Variants in ACVR1 observed in about 807,000 individuals in gnomAD.
ACVR1 encodes activin receptor type-1.
A neutral mutation model predicts 57.1 loss-of-function variants in ACVR1; 38 were observed. That is an observed-to-expected ratio of 0.67 (90% CI 0.51 to 0.87). The LOEUF (loss-of-function observed/expected upper bound fraction) is 0.87. Ranked by LOEUF, ACVR1 falls within the 40% of genes least tolerant of loss-of-function variation. The pLI, the probability that ACVR1 is intolerant of heterozygous loss-of-function variation, is 0.00. For synonymous variants in ACVR1, 212 were observed against 228.1 expected (o/e 0.93, Z 0.63); for missense variants, 463 against 638.2 (o/e 0.73, Z 2.96).
chr2:157,778,335 G>A lies in ACVR1; in HGVS notation c.339C>T (p.Ser113=). 6.2e-7 allele frequency: 1 copy of A among 1,613,418 alleles called. No individual in the cohort carries two copies. The highest frequency in any genetic ancestry group is 8.5e-7 in the Non-Finnish European group (1 of 1,179,612). The change falls in exon 5 of 11, where the codon TCC becomes TCT. Residue 113 remains serine (S), a synonymous_variant. Coordinates refer to ENST00000434821, the MANE Select transcript of ACVR1 (RefSeq NM_001111067.4). ...AGTGGAAATTCTGTGTTCCAGGGAA[G>A]GATTTTCCTGGAGTTGGAGGGAAAA... is the stretch of plus-strand genomic sequence containing the variant. ...ITAQLPTKGK[S]FPGTQNFHLE... is the part of the protein sequence containing the mutation.
chr2:157,801,064 A>G (rs1461484454), intron 2 of ACVR1, among the ~76,000 whole-genome samples: 2 of 152,180 alleles, frequency 1.3e-5, no homozygotes, highest in African/African-American at 4.8e-5. Flanking sequence ...CAAAACAGGT[A>G]TGCACATCCA....
At chr2:157,868,370 C>T (rs1449366803) in intron 1 of ACVR1, among the ~76,000 whole-genome samples, 6 of 151,776 alleles carry the variant, frequency 4.0e-5, no homozygotes, top group South Asian at 2.1e-4. Flanking sequence ...GCCTGTAATC[C>T]CAGCTACTCG....
chr2:157,867,776 G>A (rs1426054039), intron 1 of ACVR1, among the ~76,000 whole-genome samples: 1 of 151,894 alleles, frequency 6.6e-6, no homozygotes, highest in African/African-American at 2.4e-5. Flanking sequence ...CTCTGCTCTG[G>A]TGCACTGATG....
intron 5 of ACVR1, among the ~76,000 whole-genome samples, chr2:157,776,865 A>T (rs992820719): frequency 5.9e-5 from 9 of 152,246 alleles, no homozygotes; most frequent in Non-Finnish European, 1.2e-4. Flanking sequence ...CTGCAAAATG[A>T]TTTCAAATAC....
intron 8 of ACVR1, among the ~76,000 whole-genome samples, chr2:157,763,013 T>G (rs1685720709): frequency 6.6e-6 from 1 of 152,220 alleles, no homozygotes; most frequent in Non-Finnish European, 1.5e-5. Context: ...TCTGTGTTGT[T>G]TTAAGATGCT....
At chr2:157,753,287 T>C (rs1379293301) in intron 9 of ACVR1, among the ~76,000 whole-genome samples, 1 of 152,194 alleles carries the variant, frequency 6.6e-6, no homozygotes, top group East Asian at 1.9e-4. Context: ...CCCAACACTT[T>C]GGGAGGCCGA....
At chr2:157,839,237 T>TAAGC (rs913230193) in intron 1 of ACVR1, among the ~76,000 whole-genome samples, 2 of 152,130 alleles carry the variant, frequency 1.3e-5, no homozygotes, top group African/African-American at 4.8e-5. Flanking sequence ...GAGTCTTGAG[T>TAAGC]AAGCACTGGC....
Position 157,766,042 on chromosome 2 carries a change from A to T in ACVR1, c.945T>A (p.Gly315=). The part of the protein sequence containing the change: ...CLRIVLSIAS[G]LAHLHIEIFG... Reference sequence around the variant, plus strand: ...ATATCTCTATGTGCAAATGTGCAAGACCACTAGCTATGGACAGCACTATTC... The same window carrying T: ...ATATCTCTATGTGCAAATGTGCAAGTCCACTAGCTATGGACAGCACTATTC... Residue 315 remains glycine, a synonymous_variant, in exon 8 of 11, where the codon GGT becomes GGA. Transcript: ENST00000434821. 1.2e-6 allele frequency: 2 copies of T among 1,614,178 alleles called. No homozygotes were observed. The highest frequency in any genetic ancestry group is 1.7e-6 in the Non-Finnish European group (2 of 1,180,006).
At chr2:157,867,792 G>A (rs1421174595) in intron 1 of ACVR1, among the ~76,000 whole-genome samples, 2 of 152,056 alleles carry the variant, frequency 1.3e-5, no homozygotes, top group Non-Finnish European at 2.9e-5. Context: ...TGATGGTGAT[G>A]TGGGAATTTA....
At chr2:157,767,244 G>T (rs1357037266) in intron 7 of ACVR1, among the ~76,000 whole-genome samples, 1 of 151,998 alleles carries the variant, frequency 6.6e-6, no homozygotes, top group South Asian at 2.1e-4. Context: ...CGTTGGCCAC[G>T]CTGGTCTCAA....
chr2:157,789,938 G>T (rs1199534409), intron 3 of ACVR1, among the ~76,000 whole-genome samples: 2 of 152,212 alleles, frequency 1.3e-5, no homozygotes, highest in African/African-American at 4.8e-5. Flanking sequence ...TTAGTTTACT[G>T]AACTGCTGTA....
intron 1 of ACVR1, among the ~76,000 whole-genome samples, chr2:157,862,396 C>A (rs1269917320): frequency 6.7e-6 from 1 of 148,348 alleles, no homozygotes; most frequent in African/African-American, 2.5e-5. Context: ...AGACAGCATA[C>A]TAGGCACAGG....
At chr2:157,778,901 G>A (rs1686401475) in intron 4 of ACVR1, among the ~76,000 whole-genome samples, 1 of 152,082 alleles carries the variant, frequency 6.6e-6, no homozygotes, top group Non-Finnish European at 1.5e-5. Context: ...ACCTCTCCAT[G>A]ACATTATGTC....
chr2:157,803,270 A>G (rs978597784), intron 2 of ACVR1, among the ~76,000 whole-genome samples: 3 of 152,202 alleles, frequency 2.0e-5, no homozygotes, highest in Admixed American at 6.6e-5. Flanking sequence ...AGAAGACAGA[A>G]AAAGAATTAT....
chr2:157,796,386 T>C (rs947161631), intron 3 of ACVR1, among the ~76,000 whole-genome samples: 9 of 151,642 alleles, frequency 5.9e-5, no homozygotes, highest in African/African-American at 2.2e-4. Context: ...ACTCTGTCTC[T>C]ACTAAAAATG....
At chr2:157,779,050 T>A (rs1272011543) in intron 4 of ACVR1, among the ~76,000 whole-genome samples, 1 of 152,162 alleles carries the variant, frequency 6.6e-6, no homozygotes, top group Non-Finnish European at 1.5e-5. Flanking sequence ...TTGGCATACA[T>A]CATACTCCAT....
intron 2 of ACVR1, among the ~76,000 whole-genome samples, chr2:157,808,278 C>G (rs906731479): frequency 2.6e-5 from 4 of 152,164 alleles, no homozygotes; most frequent in African/African-American, 9.7e-5. Flanking sequence ...TGCTTGGCAC[C>G]TACCAGGTGC....
intron 1 of ACVR1, among the ~76,000 whole-genome samples, chr2:157,831,397 T>G (rs936489370): frequency 2.0e-5 from 3 of 152,204 alleles, no homozygotes; most frequent in African/African-American, 7.2e-5. Context: ...CTGCACTGAA[T>G]CATTTCATGT....
intron 1 of ACVR1, among the ~76,000 whole-genome samples, chr2:157,852,189 G>T (rs1170796772): frequency 6.6e-6 from 1 of 151,768 alleles, no homozygotes; most frequent in Admixed American, 6.6e-5. Context: ...TGGGGAGAAA[G>T]AACAGAGTTG....
Sources: allele counts gnomAD v4.1 joint callset (sites outside exome capture counted in the v4.1 genomes callset), GRCh38; gene constraint gnomAD v4.1.1; transcripts MANE v1.5; gene names NCBI Gene and HGNC (gene_info 2026-07-23, HGNC 2026-07-21).